CNOT9: variants seen among roughly 807,000 people sequenced by gnomAD.
CNOT9 encodes CCR4-NOT transcription complex subunit 9, also known as RCD1 required for cell differentiation1 homolog.
A neutral mutation model predicts 37.4 loss-of-function variants in CNOT9; 8 were observed. That is an observed-to-expected ratio of 0.21 (90% CI 0.13 to 0.39). The LOEUF (loss-of-function observed/expected upper bound fraction) is 0.39. CNOT9 is among the 10% of genes least tolerant of loss of function. CNOT9 has a pLI of 1.00. For missense variants in CNOT9, 154 were observed against 365.3 expected, an observed-to-expected ratio of 0.42 and a Z score of 4.71; for synonymous variants, 120 against 137.6, an observed-to-expected ratio of 0.87 and a Z score of 0.90.
intron 1 of CNOT9, among the ~76,000 whole-genome samples, chr2:218,570,115 C>A (rs965563601): frequency 6.6e-6 from 1 of 152,110 alleles, no homozygotes; most frequent in African/African-American, 2.4e-5. Flanking sequence ...AGATACTTTG[C>A]TGCATGAAAG....
chr2:218,593,750 G>A, intron 7 of CNOT9: 1 of 1,201,798 alleles, frequency 8.3e-7, no homozygotes, highest in Non-Finnish European at 1.1e-6. Flanking sequence ...CCTTGTTAAT[G>A]TACTGATTTT....
chr2:218,580,827 T>C lies in CNOT9; in HGVS notation c.204+87T>C, dbSNP rs546424981. On this transcript the variant is annotated intron_variant, in intron 2 of 7. Transcript: ENST00000273064. ...CTTTGCCCAAATGATTTGAAGACTT[T>C]AGGAGGATGATTCTTTAAAAAACTG... 4.9e-5 allele frequency: 61 copies of C among 1,241,000 alleles called. 1 individual carries two copies. The East Asian group carries it at 1.1e-3, about 23-fold the overall frequency. 76.9% of individuals were successfully genotyped at this position (1,241,000 alleles called of 1,614,324 possible). A position where few individuals can be genotyped will look rare whatever the true frequency, so the allele number is the denominator to read the frequency against.
At chr2:218,578,897 G>C (rs1694269011) in intron 1 of CNOT9, among the ~76,000 whole-genome samples, 1 of 152,196 alleles carries the variant, frequency 6.6e-6, no homozygotes, top group African/African-American at 2.4e-5. Context: ...GGGGAATATT[G>C]TGATTCTTTA....
intron 4 of CNOT9, among the ~76,000 whole-genome samples, chr2:218,585,132 G>C (rs1470864673): frequency 6.6e-6 from 1 of 151,780 alleles, no homozygotes; most frequent in African/African-American, 2.4e-5. Context: ...GTGTTACCCA[G>C]GCTGGAATTG....
chr2:218,583,229 GTGTGTCTCTC>G (rs1694470869), intron 3 of CNOT9, 143 bp downstream of exon 3: 72 of 90,150 alleles, frequency 8.0e-4, no homozygotes, highest in Admixed American at 2.7e-3. Context: ...GTGTGTGTGT[GTGTGTCTCTC>G]TCTCTCTCTC....
At chr2:218,576,320 T>C (rs978885047) in intron 1 of CNOT9, among the ~76,000 whole-genome samples, 1 of 152,204 alleles carries the variant, frequency 6.6e-6, no homozygotes, top group Non-Finnish European at 1.5e-5. Flanking sequence ...TAAGAATATT[T>C]CCTTTTTATT....
intron 1 of CNOT9, 108 bp downstream of exon 1, chr2:218,569,086 C>T (rs2106073171): frequency 8.2e-7 from 1 of 1,220,788 alleles, no homozygotes; most frequent in Non-Finnish European, 1.2e-6. Flanking sequence ...TTTTTTTCTG[C>T]CCTCAATCTC....
rs940368087 is a variant in CNOT9, at chr2:218,583,168, C to T, written c.320+82C>T. Reference sequence around the variant, plus strand: ...GTTCTCTGAATAATAAAAGGAAGGGCATGGAGGAGAGAGAGAGAGAACGTT... The same window carrying T: ...GTTCTCTGAATAATAAAAGGAAGGGTATGGAGGAGAGAGAGAGAGAACGTT... On this transcript the variant is annotated intron_variant, in intron 3 of 7. Coordinates refer to ENST00000273064, the MANE Select transcript of CNOT9 (RefSeq NM_005444.3). The T allele has an allele frequency of 1.9e-5, 15 of 770,628 alleles. No homozygotes were observed. The African/African-American group carries it at 3.0e-4, about 15-fold the overall frequency. 47.7% of individuals were successfully genotyped at this position (770,628 alleles called of 1,614,324 possible). A position where few individuals can be genotyped will look rare whatever the true frequency, so the allele number is the denominator to read the frequency against.
intron 1 of CNOT9, among the ~76,000 whole-genome samples, chr2:218,572,042 C>T (rs926215625): frequency 5.3e-5 from 8 of 151,722 alleles, no homozygotes; most frequent in African/African-American, 1.2e-4. Context: ...AAAATGCGGC[C>T]GGGTACTGTG....
chr2:218,583,967 T>C (rs2106090587), intron 3 of CNOT9, among the ~76,000 whole-genome samples: 1 of 152,340 alleles, frequency 6.6e-6, no homozygotes, highest in Admixed American at 6.5e-5. Context: ...CTTATTAAAG[T>C]ATAGCAGGTA....
At position 218,594,770 on chromosome 2, in the gene CNOT9, C is replaced by G. The variant is rs977542028; in HGVS notation, c.*494C>G. The G allele has an allele frequency of 2.6e-5, 4 of 154,942 alleles. No individual in the cohort carries two copies. Among genetic ancestry groups the G allele is most frequent in the African/African-American group, 4.8e-5 (2 of 41,470 alleles). The allele number at this position is 154,942 out of a possible 1,614,324, so 9.6% of individuals were successfully genotyped here. ...ACTTTGGTTTTTTTGTTTTTAATCT[C>G]AGAGAGAGGTGTGTTTAGTGGGCAC... On this transcript the variant is annotated 3_prime_UTR_variant, in exon 8 of 8. Transcript: ENST00000273064.
chr2:218,569,045 C>A, intron 1 of CNOT9, 67 bp downstream of exon 1: 1 of 1,568,468 alleles, frequency 6.4e-7, no homozygotes, highest in South Asian at 1.1e-5. Flanking sequence ...GGCCTTCTCT[C>A]CTAATTCCCG....
At chr2:218,593,563 A>C in intron 7 of CNOT9, 3 of 1,503,170 alleles carry the variant, frequency 2.0e-6, no homozygotes, top group Non-Finnish European at 1.8e-6. Context: ...TCATCTTTTC[A>C]AAGAAAATGA....
intron 1 of CNOT9, 31 bp downstream of exon 1, chr2:218,569,009 A>G: frequency 6.2e-7 from 1 of 1,610,676 alleles, no homozygotes; most frequent in Non-Finnish European, 8.5e-7. Flanking sequence ...GCTTGGAACC[A>G]GAATCCTTTC....
intron 1 of CNOT9, 51 bp downstream of exon 1, chr2:218,569,029 C>T (rs1465574084): frequency 6.2e-7 from 1 of 1,601,004 alleles, no homozygotes; most frequent in African/African-American, 1.3e-5. Context: ...CTCAGACCCA[C>T]GTTTCGGCCT....
At chr2:218,584,150 T>C (rs1694510013) in intron 3 of CNOT9, among the ~76,000 whole-genome samples, 1 of 152,238 alleles carries the variant, frequency 6.6e-6, no homozygotes, top group South Asian at 2.1e-4. Context: ...ATATTTTAAG[T>C]TAATCAGTTT....
intron 1 of CNOT9, chr2:218,572,658 G>A (rs1694036497): frequency 1.0e-6 from 1 of 984,734 alleles, no homozygotes; most frequent in Non-Finnish European, 1.2e-6. Context: ...ACAAATCTTT[G>A]CATGCCATAG....
intron 1 of CNOT9, among the ~76,000 whole-genome samples, chr2:218,569,889 T>C (rs76462442): frequency 0.012 from 1,901 of 152,322 alleles, 39 homozygotes; most frequent in African/African-American, 0.043. Flanking sequence ...TCTGCCTAAA[T>C]CGGTCTCAGA....
intron 1 of CNOT9, 66 bp from the exon 2 acceptor site, chr2:218,580,495 T>C: frequency 7.3e-7 from 1 of 1,361,612 alleles, no homozygotes. Context: ...TCTAAAACTC[T>C]GTTGCAGGGT....
Sources: gnomAD v4.1 joint callset for allele counts (sites outside exome capture counted in the v4.1 genomes callset) on GRCh38, gnomAD v4.1.1 for gene constraint, MANE v1.5 for transcripts, NCBI Gene and HGNC (gene_info 2026-07-23, HGNC 2026-07-21) for gene names.